The following NRG1 variants were observed in gnomAD, a reference collection of about 807,000 sequenced individuals.
NRG1 encodes pro-neuregulin-1, membrane-bound isoform.
A neutral mutation model predicts 63.8 loss-of-function variants in NRG1; 18 were observed. The ratio of observed to expected loss-of-function variants is 0.28; its 90% confidence interval spans 0.19 to 0.42. The LOEUF (loss-of-function observed/expected upper bound fraction) is 0.42. Among genes scored for constraint, NRG1 ranks in the 10% least tolerant of loss-of-function variants. The pLI is 1.00. For synonymous variants in NRG1, 302 were observed against 301.3 expected (o/e 1.00, Z -0.02); for missense variants, 762 against 814.7 (o/e 0.94, Z 0.79).
chr8:32,719,218 CATT>C (rs1332382413), intron 5 of NRG1, among the ~76,000 whole-genome samples: 1 of 151,942 alleles, frequency 6.6e-6, no homozygotes, highest in Non-Finnish European at 1.5e-5. Context: ...AACCTAAAAT[CATT>C]ATATTTTTGC....
intron 1 of NRG1, among the ~76,000 whole-genome samples, chr8:32,025,309 A>G (rs887368089): frequency 3.9e-5 from 6 of 152,182 alleles, no homozygotes; most frequent in African/African-American, 1.4e-4. Flanking sequence ...GTCTCAAACC[A>G]CAGAGAAAGA....
At chr8:31,869,360 T>C (rs1162534514) in intron 1 of NRG1, among the ~76,000 whole-genome samples, 1 of 152,168 alleles carries the variant, frequency 6.6e-6, no homozygotes, top group Non-Finnish European at 1.5e-5. Context: ...ATATATGAGC[T>C]GTCACTTGAC....
At chr8:31,721,186 AT>A (rs1812881351) in intron 1 of NRG1, among the ~76,000 whole-genome samples, 1 of 151,824 alleles carries the variant, frequency 6.6e-6, no homozygotes, top group Admixed American at 6.6e-5. Flanking sequence ...TGAAAAGTGG[AT>A]TTTGGCTTTG....
At chr8:31,925,163 T>TAC (rs1834243886) in intron 1 of NRG1, among the ~76,000 whole-genome samples, 1 of 150,924 alleles carries the variant, frequency 6.6e-6, no homozygotes, top group African/African-American at 2.4e-5. Context: ...TATATATGTA[T>TAC]ACATATATTT....
chr8:32,098,047 C>T (rs1413523229), intron 1 of NRG1, among the ~76,000 whole-genome samples: 1 of 152,080 alleles, frequency 6.6e-6, no homozygotes, highest in Non-Finnish European at 1.5e-5. Flanking sequence ...GGATCAAAAC[C>T]AAGCCTTGGG....
intron 1 of NRG1, among the ~76,000 whole-genome samples, chr8:31,995,302 A>G (rs1156698994): frequency 1.3e-5 from 2 of 152,022 alleles, no homozygotes; most frequent in South Asian, 2.1e-4. Flanking sequence ...GGTAGCACTT[A>G]GGTAATAATA....
chr8:31,742,481 T>TTTTTTTTA (rs1815391455), intron 1 of NRG1, among the ~76,000 whole-genome samples: 1 of 134,276 alleles, frequency 7.4e-6, no homozygotes, highest in African/African-American at 2.6e-5. Context: ...TTTTTTTTTT[T>TTTTTTTTA]AACGAAAGCT....
intron 1 of NRG1, among the ~76,000 whole-genome samples, chr8:31,840,829 G>A (rs1243880994): frequency 1.3e-5 from 2 of 152,178 alleles, no homozygotes; most frequent in Admixed American, 1.3e-4. Context: ...AATAAAGAGA[G>A]AGAAGGGAGA....
chr8:32,117,341 C>T (rs189491107), intron 1 of NRG1, among the ~76,000 whole-genome samples: 14 of 152,244 alleles, frequency 9.2e-5, no homozygotes, highest in Non-Finnish European at 1.5e-5. Context: ...ACAGTTGAAT[C>T]CATGCTTCTT....
At chr8:32,135,978 GAGA>G (rs3084578) in intron 1 of NRG1, among the ~76,000 whole-genome samples, 66,935 of 151,684 alleles carry the variant, frequency 0.44, 16,239 homozygotes, top group Admixed American at 0.55. Context: ...TTTTGAAAAA[GAGA>G]AGGTTGACAG....
intron 1 of NRG1, among the ~76,000 whole-genome samples, chr8:32,247,733 C>A (rs548167562): frequency 6.6e-6 from 1 of 151,962 alleles, no homozygotes; most frequent in Admixed American, 6.6e-5. Flanking sequence ...AGAATCTTAG[C>A]TTTTTCAAAA....
At chr8:31,876,981 G>A (rs1158439005) in intron 1 of NRG1, among the ~76,000 whole-genome samples, 3 of 152,070 alleles carry the variant, frequency 2.0e-5, no homozygotes, top group Non-Finnish European at 4.4e-5. Context: ...TGTTTTAATG[G>A]GTTGGGGAAT....
intron 1 of NRG1, among the ~76,000 whole-genome samples, chr8:32,349,745 G>A (rs1446077756): frequency 1.3e-5 from 2 of 152,120 alleles, no homozygotes; most frequent in Non-Finnish European, 2.9e-5. Context: ...CAAAATTAGT[G>A]GTGTTTTCTG....
At position 32,474,894 on chromosome 8, in the gene NRG1, A is replaced by T. The variant is rs138249785; in HGVS notation, c.38-120934A>T. ...CTAGGTACTCTACTGGTATGGCCTC[A>T]TTTGTCGATTTGAGGATTATTGGTT... is the stretch of plus-strand genomic sequence containing the variant. On this transcript the variant is annotated intron_variant, in intron 1 of 10. Transcript: ENST00000519301. Among the ~76,000 whole-genome samples the T allele has an allele frequency of 2.3e-3, 343 of 152,162 alleles. 2 individuals are homozygous for T. The highest frequency in any genetic ancestry group is 5.9e-3 in the African/African-American group (245 of 41,518).
intron 6 of NRG1, among the ~76,000 whole-genome samples, chr8:32,732,920 G>A (rs982623647): frequency 6.9e-6 from 1 of 144,248 alleles, no homozygotes; most frequent in African/African-American, 2.6e-5. Flanking sequence ...CGATTCTCCT[G>A]CTTCAGCCTC....
chr8:32,295,478 A>G (rs988542318), intron 1 of NRG1, among the ~76,000 whole-genome samples: 1 of 152,146 alleles, frequency 6.6e-6, no homozygotes, highest in Non-Finnish European at 1.5e-5. Context: ...TCTTATTTCT[A>G]CAACTTTCTA....
intron 1 of NRG1, among the ~76,000 whole-genome samples, chr8:32,410,316 G>A (rs1415200970): frequency 6.6e-6 from 1 of 151,360 alleles, no homozygotes; most frequent in African/African-American, 2.4e-5. Flanking sequence ...GAGTAGCTGG[G>A]ACTACAGGTA....
chr8:31,897,598 C>T (rs1174945114), intron 1 of NRG1, among the ~76,000 whole-genome samples: 2 of 152,116 alleles, frequency 1.3e-5, no homozygotes, highest in East Asian at 1.9e-4. Context: ...AGCCTGCTAC[C>T]TGGAGGCTTC....
At chr8:32,548,818 A>G in exon 1 of NRG1, 1 of 1,570,006 alleles carries the variant, frequency 6.4e-7, no homozygotes, top group Non-Finnish European at 8.6e-7. Context: ...GCGGGCAGCC[A>G]GAGCCCAGGT....
Sources: gnomAD v4.1 joint callset for allele counts (sites outside exome capture counted in the v4.1 genomes callset) on GRCh38, gnomAD v4.1.1 for gene constraint, MANE v1.5 for transcripts, NCBI Gene and HGNC (gene_info 2026-07-23, HGNC 2026-07-21) for gene names.